Variants in DPP9 observed in about 807,000 individuals in gnomAD.
The protein encoded by DPP9 is dipeptidyl peptidase 9, also known as dipeptidyl peptidase IV-related protein-2.
DPP9 carries 50 observed loss-of-function variants against 110.7 expected under a neutral mutation model. The observed-to-expected ratio is 0.45, with a 90% CI of 0.36 to 0.57. The LOEUF (loss-of-function observed/expected upper bound fraction) is 0.57. Ranked by LOEUF, DPP9 falls within the 20% of genes least tolerant of loss-of-function variation. The pLI is 0.00. For synonymous variants in DPP9, 561 were observed against 514.4 expected (o/e 1.09, Z -1.23); for missense variants, 1,022 against 1,217.9 (o/e 0.84, Z 2.39).
At position 4,682,601 on chromosome 19, in the gene DPP9, C is replaced by T; in HGVS notation, c.2474+95G>A. 3 of 1,519,706 alleles carry T rather than the reference C, an allele frequency of 2.0e-6. No homozygotes were observed. Among genetic ancestry groups the T allele is most frequent in the South Asian group, 2.5e-5 (2 of 80,460 alleles). The allele number at this position is 1,519,706 out of a possible 1,614,324, so 94.1% of individuals were successfully genotyped here. ...ATGGCCTGAGGCTCCCTGGGCAGGG[C>T]CAGCTGGGGCAGGAGGGCACCCTCA... On this transcript the variant is annotated intron_variant, in intron 20 of 21. Coordinates refer to ENST00000262960, the MANE Select transcript of DPP9 (RefSeq NM_139159.5). The surrounding 1 kb of genome is among the most constrained non-coding windows in gnomAD (Gnocchi z 7.1).
chr19:4,697,876 T>C (rs2091931984), intron 10 of DPP9, among the ~76,000 whole-genome samples: 1 of 151,610 alleles, frequency 6.6e-6, no homozygotes, highest in Non-Finnish European at 1.5e-5. Context: ...CCAGCATGAC[T>C]GCTGTCCTTA....
chr19:4,681,141 G>C (rs1241016616), intron 20 of DPP9, among the ~76,000 whole-genome samples: 4 of 152,162 alleles, frequency 2.6e-5, no homozygotes, highest in Non-Finnish European at 5.9e-5. Context: ...CAAATTAACG[G>C]AACTTATAAA....
rs1004172931 is a variant in DPP9, at chr19:4,698,883, G to A, written c.1075-1232C>T. Among the ~76,000 whole-genome samples, 3 of 152,154 alleles carry A rather than the reference G, an allele frequency of 2.0e-5. No homozygotes were observed. The highest frequency in any genetic ancestry group is 7.2e-5 in the African/African-American group (3 of 41,442). On this transcript the variant is annotated intron_variant, in intron 10 of 21. Coordinates refer to ENST00000262960, the MANE Select transcript of DPP9 (RefSeq NM_139159.5). This position sits in a 1 kb window ranked among gnomAD's most constrained non-coding sequence, Gnocchi z 4.2. ...TGTCAAGAATGCAAAAGAAGGCCGG[G>A]TGTGGTGGCTCACACCTGTAATCCC... is the stretch of plus-strand genomic sequence containing the variant.
chr19:4,679,918 A>G lies in DPP9; in HGVS notation c.2503T>C (p.Phe835Leu). 6.2e-7 allele frequency: 1 copy of G among 1,613,324 alleles called. No homozygotes were observed. Among genetic ancestry groups the G allele is most frequent in the East Asian group, 2.2e-5 (1 of 44,874 alleles). The change falls in exon 21 of 22, where the codon TTC (phenylalanine) becomes CTC (leucine). Residue 835 changes from phenylalanine to leucine, a missense_variant. Physicochemically the swap from Phe to Leu is conservative, Grantham distance 22. Coordinates refer to ENST00000262960, the MANE Select transcript of DPP9 (RefSeq NM_139159.5). ...EPNRLLILHG[F>L]LDENVHFFHT... Reference sequence around the variant, plus strand: ...AAAAAGTGCACGTTTTCGTCCAGGAAGCCGTGGAGGATAAGCAAGCGGTTG... The same window carrying G: ...AAAAAGTGCACGTTTTCGTCCAGGAGGCCGTGGAGGATAAGCAAGCGGTTG...
chr19:4,721,004 G>A lies in DPP9; in HGVS notation c.-35-1063C>T, dbSNP rs180741204. 8.5e-5 allele frequency among the ~76,000 whole-genome samples: 13 copies of A among 152,246 alleles called. No individual in the cohort carries two copies. The East Asian group carries it at 1.2e-3, about 14-fold the overall frequency. The stretch of plus-strand genomic sequence containing the variant: ...TTAGTAGGGCAGAGGATCATGGGAC[G>A]CAGTCTCTTGGGGATCCATGGAATC... On this transcript the variant is annotated intron_variant, in intron 2 of 21. Coordinates refer to ENST00000262960, the MANE Select transcript of DPP9 (RefSeq NM_139159.5).
chr19:4,700,106 G>T lies in DPP9; in HGVS notation c.1074+110C>A. The T allele has an allele frequency of 1.2e-6, 1 of 846,868 alleles. No homozygotes were observed. The highest frequency in any genetic ancestry group is 3.2e-5 in the East Asian group (1 of 31,582). The allele number at this position is 846,868 out of a possible 1,614,324, so 52.5% of individuals were successfully genotyped here. A position where few individuals can be genotyped will look rare whatever the true frequency, so the allele number is the denominator to read the frequency against. On this transcript the variant is annotated intron_variant, in intron 10 of 21. Coordinates refer to ENST00000262960, the MANE Select transcript of DPP9 (RefSeq NM_139159.5). The surrounding 1 kb of genome is among the most constrained non-coding windows in gnomAD (Gnocchi z 4.3). ...GACCGGGCGGCAGGGCTGGGGCCTG[G>T]GGAGTGCCCCCGAGAGGGAGGTGAG...
At chr19:4,690,844 G>GGAGCA in intron 14 of DPP9, 34 bp downstream of exon 14, 5 of 1,556,380 alleles carry the variant, frequency 3.2e-6, no homozygotes, top group Non-Finnish European at 4.4e-6. Context: ...ACACATGCAT[G>GGAGCA]GAGCAGGGGA....
intron 3 of DPP9, among the ~76,000 whole-genome samples, chr19:4,716,672 G>A (rs1036178740): frequency 2.6e-5 from 4 of 151,776 alleles, no homozygotes; most frequent in Non-Finnish European, 5.9e-5. Context: ...GAAAGATCAC[G>A]ACCTGCAATT....
chr19:4,678,822 C>T (rs537286238), intron 21 of DPP9, among the ~76,000 whole-genome samples: 1 of 152,158 alleles, frequency 6.6e-6, no homozygotes, highest in East Asian at 1.9e-4. Flanking sequence ...AAAACCTGGC[C>T]CTCTTGCCTC....
chr19:4,697,745 C>T (rs7254243), intron 10 of DPP9, 94 bp from the exon 11 acceptor site: 7 of 984,880 alleles, frequency 7.1e-6, no homozygotes, highest in South Asian at 3.1e-5. Context: ...CATGTCCCCC[C>T]CAAATTCATA....
chr19:4,715,415 C>G (rs2093032422), intron 3 of DPP9: 1 of 152,284 alleles, frequency 6.6e-6, no homozygotes, highest in African/African-American at 2.4e-5. Flanking sequence ...GGTCTTTCTG[C>G]TCATCTTTCA....
rs757812184 is a variant in DPP9, at chr19:4,685,342, G to A, written c.2031+284C>T. 2 of 607,444 alleles carry A rather than the reference G, an allele frequency of 3.3e-6. No homozygotes were observed. The highest frequency in any genetic ancestry group is 3.0e-5 in the South Asian group (2 of 65,944). 37.6% of individuals were successfully genotyped at this position (607,444 alleles called of 1,614,324 possible). On this transcript the variant is annotated intron_variant, in intron 17 of 21. Coordinates refer to ENST00000262960, the MANE Select transcript of DPP9 (RefSeq NM_139159.5). This position sits in a 1 kb window ranked among gnomAD's most constrained non-coding sequence, Gnocchi z 5.8. The stretch of plus-strand genomic sequence containing the variant: ...CCCATGGCCACCTCCATACCAACCT[G>A]GAGACTAGGGGACTTCCTAGAGGAA...
Position 4,702,626 on chromosome 19 carries a change from C to A in DPP9, c.860G>T (p.Trp287Leu), listed in dbSNP as rs1454932565. 1.2e-6 allele frequency: 2 copies of A among 1,601,864 alleles called. No homozygotes were observed. Among genetic ancestry groups the A allele is most frequent in the Non-Finnish European group, 1.7e-6 (2 of 1,174,612 alleles). ...EEFDRFTGYW[W>L]CPTASWEGSE... is the part of the protein sequence containing the mutation. ...ACCTTCCCAGGAGGCTGTGGGGCAC[C>A]ACCAGTACCCAGTGAAGCGGTCGAA... The change falls in exon 8 of 22, where the codon TGG becomes TTG. Residue 287 changes from tryptophan to leucine, a missense_variant. Trp to Leu is a moderately conservative substitution (Grantham distance 61). Coordinates refer to ENST00000262960, the MANE Select transcript of DPP9 (RefSeq NM_139159.5).
In DPP9 at chr19:4,694,870, G is replaced by A. The variant is rs755188624; in HGVS notation, c.1354-47C>T. 44 of 1,591,036 alleles carry A rather than the reference G, an allele frequency of 2.8e-5. 1 individual carries two copies. The highest frequency in any genetic ancestry group is 2.3e-4 in the South Asian group (21 of 89,714). ...GATGCGTCAGAAGGTGTGGGTGGCC[G>A]GGCATGGTGGCTCACACCAGTAATC... is the stretch of plus-strand genomic sequence containing the variant. On this transcript the variant is annotated intron_variant, in intron 12 of 21. Coordinates refer to ENST00000262960, the MANE Select transcript of DPP9 (RefSeq NM_139159.5). This position sits in a 1 kb window ranked among gnomAD's most constrained non-coding sequence, Gnocchi z 4.0.
rs905154322 is a variant in DPP9 at position 4,685,234 on chromosome 19, C to T, written c.2031+392G>A. On this transcript the variant is annotated intron_variant, in intron 17 of 21. Transcript: ENST00000262960. This position sits in a 1 kb window ranked among gnomAD's most constrained non-coding sequence, Gnocchi z 5.8. ...TATCCTCTGTGGGGACAGAGCTGCT[C>T]TGGGTAAGATGTGCGCCTAAGATGG... is the stretch of plus-strand genomic sequence containing the variant. 33 of 520,188 alleles carry T rather than the reference C, an allele frequency of 6.3e-5. No individual in the cohort carries two copies. The highest frequency in any genetic ancestry group is 1.1e-4 in the Non-Finnish European group (29 of 268,888). 32.2% of individuals were successfully genotyped at this position (520,188 alleles called of 1,614,324 possible).
intron 21 of DPP9, among the ~76,000 whole-genome samples, chr19:4,677,290 A>G (rs1158864832): frequency 6.6e-6 from 1 of 152,138 alleles, no homozygotes; most frequent in African/African-American, 2.4e-5. Flanking sequence ...CTCTCGAGGC[A>G]CTGACGGACA....
chr19:4,697,492 C>T, intron 11 of DPP9, 59 bp downstream of exon 11: 1 of 1,464,654 alleles, frequency 6.8e-7, no homozygotes, highest in Non-Finnish European at 9.4e-7. Context: ...GCTTCGGTGG[C>T]TGCCCAGGGC....
At position 4,695,571 on chromosome 19, in the gene DPP9, C is replaced by A. The variant is rs374165274; in HGVS notation, c.1176-16G>T. 2.1e-6 allele frequency: 3 copies of A among 1,440,874 alleles called. No homozygotes were observed. The highest frequency in any genetic ancestry group is 1.5e-5 in the South Asian group (1 of 66,584). 89.3% of individuals were successfully genotyped at this position (1,440,874 alleles called of 1,614,324 possible). A position where few individuals can be genotyped will look rare whatever the true frequency, so the allele number is the denominator to read the frequency against. On this transcript the variant is annotated splice_polypyrimidine_tract_variant and intron_variant, in intron 11 of 21. Coordinates refer to ENST00000262960, the MANE Select transcript of DPP9 (RefSeq NM_139159.5). This position sits in a 1 kb window ranked among gnomAD's most constrained non-coding sequence, Gnocchi z 4.7. The stretch of plus-strand genomic sequence containing the variant: ...GGCCCAGGCGCTAAGGGGGAAGATG[C>A]GGGGGAAGATGAGAGGGAAGCTGGG...
Position 4,685,722 on chromosome 19 carries a change from G to C in DPP9, c.1935C>G (p.Arg645=). 5.0e-6 allele frequency: 8 copies of C among 1,613,590 alleles called. No individual in the cohort carries two copies. The highest frequency in any genetic ancestry group is 6.8e-6 in the Non-Finnish European group (8 of 1,179,852). ...TCATGCCGTAGAGCCGCACATCCGAGCGCGTGTGGAAATGGAAGATCTCTG... is the reference window on the plus strand; with the variant it reads ...TCATGCCGTAGAGCCGCACATCCGACCGCGTGTGGAAATGGAAGATCTCTG... ...VPPEIFHFHT[R]SDVRLYGMIY... The change falls in exon 17 of 22, where the codon CGC becomes CGG. Residue 645 remains arginine, a synonymous_variant. Coordinates refer to ENST00000262960, the MANE Select transcript of DPP9 (RefSeq NM_139159.5). The surrounding 1 kb of genome is among the most constrained non-coding windows in gnomAD (Gnocchi z 5.8).
Sources: allele counts gnomAD v4.1 joint callset (sites outside exome capture counted in the v4.1 genomes callset), GRCh38; gene constraint gnomAD v4.1.1; non-coding constraint Gnocchi (gnomAD v3.1); transcripts MANE v1.5; gene names NCBI Gene and HGNC (gene_info 2026-07-23, HGNC 2026-07-21).